The following RHEB variants were observed in gnomAD, a reference collection of about 807,000 sequenced individuals.
RHEB encodes the protein GTP-binding protein Rheb.
Under a neutral mutation model 28.8 loss-of-function variants are expected in RHEB, and 2 were observed. The ratio of observed to expected loss-of-function variants is 0.07; its 90% confidence interval spans 0.03 to 0.22. RHEB has a LOEUF of 0.22. RHEB is among the 10% of genes least tolerant of loss of function. RHEB has a pLI of 1.00. For synonymous variants in RHEB, 69 were observed against 77.3 expected, an observed-to-expected ratio of 0.89 and a Z score of 0.56; for missense variants, 76 against 219.9, an observed-to-expected ratio of 0.35 and a Z score of 4.14.
Position 151,484,812 on chromosome 7 carries a change from GA to G in RHEB, c.125-9del. On this transcript the variant is annotated splice_polypyrimidine_tract_variant and intron_variant, in intron 2 of 7. Coordinates refer to ENST00000262187, the MANE Select transcript of RHEB (RefSeq NM_005614.4). Reference sequence around the variant, plus strand: ...TGATCAACTTTGTAAAAGCTACAGGGAAAAAGGAAATTAAACATTAGTTTAA... The same window carrying G: ...TGATCAACTTTGTAAAAGCTACAGGGAAAAGGAAATTAAACATTAGTTTAA... The G allele has an allele frequency of 3.1e-6, 5 of 1,598,190 alleles. No homozygotes were observed. The highest frequency in any genetic ancestry group is 4.3e-6 in the Non-Finnish European group (5 of 1,167,086).
At chr7:151,504,018 TAGG>T (rs34768054) in intron 1 of RHEB, among the ~76,000 whole-genome samples, 4,857 of 152,230 alleles carry the variant, frequency 0.032, 222 homozygotes, top group African/African-American at 0.11. Flanking sequence ...GGTGAGCTAA[TAGG>T]AGGCAATTTC....
intron 1 of RHEB, among the ~76,000 whole-genome samples, chr7:151,505,711 T>C (rs1455415886): frequency 6.6e-6 from 1 of 152,252 alleles, no homozygotes; most frequent in African/African-American, 2.4e-5. Flanking sequence ...ATGCTCATAA[T>C]AGCTTTATTC....
chr7:151,518,073 A>T (rs1218828283), intron 1 of RHEB: 1 of 152,180 alleles, frequency 6.6e-6, no homozygotes, highest in African/African-American at 2.4e-5. Flanking sequence ...CCTCCATTTG[A>T]TTCATGGTTA....
chr7:151,509,879 G>A (rs1408937813), intron 1 of RHEB, among the ~76,000 whole-genome samples: 9 of 152,168 alleles, frequency 5.9e-5, no homozygotes, highest in African/African-American at 1.7e-4. Context: ...GGCTGCTTCC[G>A]TCCTACAAAG....
chr7:151,485,245 T>C (rs1462404107), intron 2 of RHEB, among the ~76,000 whole-genome samples: 4 of 152,224 alleles, frequency 2.6e-5, no homozygotes, highest in Non-Finnish European at 5.9e-5. Context: ...TAAGAACTTT[T>C]AGTACATAAA....
At chr7:151,502,285 G>T in intron 1 of RHEB, 3 of 688,790 alleles carry the variant, frequency 4.4e-6, no homozygotes, top group Non-Finnish European at 7.9e-6. Context: ...GCACTAGCAT[G>T]ATATCACTGA....
In RHEB at chr7:151,467,089, T is replaced by C. The variant is rs1478806133; in HGVS notation, c.*30A>G. On this transcript the variant is annotated 3_prime_UTR_variant, in exon 8 of 8. Transcript: ENST00000262187. ...AGTTTGCTTCTTCAGGTAGAATATA[T>C]TCCCAGTGTCCTCAGGCTTTGCAGC... 41 of 1,510,988 alleles carry C rather than the reference T, an allele frequency of 2.7e-5. No individual in the cohort carries two copies. The highest frequency in any genetic ancestry group is 3.5e-5 in the Non-Finnish European group (38 of 1,086,310). The allele number at this position is 1,510,988 out of a possible 1,614,324, so 93.6% of individuals were successfully genotyped here. A position where few individuals can be genotyped will look rare whatever the true frequency, so the allele number is the denominator to read the frequency against.
intron 1 of RHEB, among the ~76,000 whole-genome samples, chr7:151,491,492 T>C (rs527803447): frequency 1.3e-5 from 2 of 152,286 alleles, no homozygotes; most frequent in African/African-American, 2.4e-5. Flanking sequence ...TCCCAGCACT[T>C]TGGGAGGCTG....
intron 1 of RHEB, among the ~76,000 whole-genome samples, chr7:151,504,807 T>C (rs1212334951): frequency 6.6e-6 from 1 of 152,032 alleles, no homozygotes; most frequent in Non-Finnish European, 1.5e-5. Context: ...TGGATTGTTC[T>C]ACAGCCTGAT....
At chr7:151,516,919 A>G (rs1256089386) in intron 1 of RHEB, among the ~76,000 whole-genome samples, 1 of 152,202 alleles carries the variant, frequency 6.6e-6, no homozygotes, top group Admixed American at 6.5e-5. Context: ...ACCATTTGCA[A>G]GCAAACATGC....
chr7:151,507,692 A>G (rs1802911888), intron 1 of RHEB, among the ~76,000 whole-genome samples: 1 of 152,226 alleles, frequency 6.6e-6, no homozygotes, highest in Admixed American at 6.5e-5. Context: ...TTTTAAAAAA[A>G]AGAAAAAATT....
chr7:151,470,772 G>A (rs1802146815), intron 6 of RHEB, 120 bp from the exon 7 acceptor site: 1 of 644,252 alleles, frequency 1.6e-6, no homozygotes, highest in Admixed American at 2.9e-5. Context: ...GCAGAACCAT[G>A]CCCTGGCCTA....
At chr7:151,471,273 A>AT in intron 6 of RHEB, 121 bp downstream of exon 6, 1 of 710,268 alleles carries the variant, frequency 1.4e-6, no homozygotes, top group Non-Finnish European at 2.4e-6. Context: ...GCACACGACC[A>AT]TAACACCTCT....
intron 1 of RHEB, among the ~76,000 whole-genome samples, chr7:151,511,870 C>T (rs948087018): frequency 1.3e-5 from 2 of 152,044 alleles, no homozygotes; most frequent in Non-Finnish European, 2.9e-5. Context: ...AGGCTGGTCT[C>T]GAACTCCTGA....
At chr7:151,484,004 T>C (rs1484430301) in intron 3 of RHEB, among the ~76,000 whole-genome samples, 1 of 152,216 alleles carries the variant, frequency 6.6e-6, no homozygotes, top group African/African-American at 2.4e-5. Flanking sequence ...TTGGCCATTA[T>C]CTACTGTCTA....
In RHEB at chr7:151,472,709, G is replaced by A. The variant is rs573697059; in HGVS notation, c.276-1104C>T. ...CTCCCACACCAGAAATAATAGGTCC[G>A]CAAGGGCAGGGATTTGTCTGCTTTG... On this transcript the variant is annotated intron_variant, in intron 4 of 7. Transcript: ENST00000262187. This position sits in a 1 kb window ranked among gnomAD's most constrained non-coding sequence, Gnocchi z 5.2. Among the ~76,000 whole-genome samples the A allele has an allele frequency of 9.9e-5, 15 of 152,256 alleles. No homozygotes were observed. Among genetic ancestry groups the A allele is most frequent in the East Asian group, 1.9e-4 (1 of 5,186 alleles).
chr7:151,469,659 T>C (rs1407498367), intron 7 of RHEB, among the ~76,000 whole-genome samples: 1 of 152,078 alleles, frequency 6.6e-6, no homozygotes, highest in Non-Finnish European at 1.5e-5. Context: ...AAGTAGATAC[T>C]TAGAGAAGGG....
intron 1 of RHEB, chr7:151,518,174 C>A (rs1472788898): frequency 2.0e-5 from 3 of 152,252 alleles, no homozygotes; most frequent in Non-Finnish European, 4.4e-5. Flanking sequence ...ACTCTAGGCA[C>A]CCCGCATCTC....
chr7:151,487,682 T>C (rs1802504854), intron 2 of RHEB, among the ~76,000 whole-genome samples: 1 of 152,132 alleles, frequency 6.6e-6, no homozygotes, highest in Non-Finnish European at 1.5e-5. Flanking sequence ...TAATAAGAGA[T>C]AGGATAGACT....
Sources: gnomAD v4.1 joint callset for allele counts (sites outside exome capture counted in the v4.1 genomes callset) on GRCh38, gnomAD v4.1.1 for gene constraint, Gnocchi (gnomAD v3.1) non-coding constraint, MANE v1.5 for transcripts, NCBI Gene and HGNC (gene_info 2026-07-23, HGNC 2026-07-21) for gene names.